Variants in GLI3 observed in about 807,000 individuals in gnomAD.
GLI3 encodes the protein transcription activator GLI3.
Under a neutral mutation model 100.8 loss-of-function variants are expected in GLI3, and 20 were observed. The ratio of observed to expected loss-of-function variants is 0.20; its 90% confidence interval spans 0.14 to 0.29. The LOEUF (loss-of-function observed/expected upper bound fraction) is 0.29, where lower values mean the gene tolerates loss of function less well. GLI3 is among the 10% of genes least tolerant of loss of function. The pLI is 1.00. For missense variants in GLI3, 2,040 were observed against 2,128.5 expected (o/e 0.96, Z 0.82); for synonymous variants, 938 against 860.5 (o/e 1.09, Z -1.58).
intron 2 of GLI3, among the ~76,000 whole-genome samples, chr7:42,205,654 C>G (rs745919899): frequency 1.3e-5 from 2 of 152,166 alleles, no homozygotes; most frequent in Non-Finnish European, 2.9e-5. Context: ...CAGTTCAAGA[C>G]AGATGAGACA....
chr7:42,242,404 C>A (rs1223619035), upstream of GLI3, among the ~76,000 whole-genome samples: 2 of 152,198 alleles, frequency 1.3e-5, no homozygotes, highest in African/African-American at 4.8e-5. Context: ...CTTACATAAA[C>A]TGCAGGTTTT....
intron 7 of GLI3, 59 bp from the exon 8 acceptor site, chr7:42,026,471 C>T (rs1179445507): frequency 8.1e-7 from 1 of 1,236,700 alleles, no homozygotes; most frequent in East Asian, 2.4e-5. Context: ...CAGACAAGTA[C>T]ACAAGATCTG....
intron 7 of GLI3, among the ~76,000 whole-genome samples, chr7:42,030,463 C>T (rs1439429664): frequency 6.6e-6 from 1 of 152,144 alleles, no homozygotes; most frequent in Non-Finnish European, 1.5e-5. Context: ...CTGAAAACTA[C>T]AATTTGACAA....
intron 2 of GLI3, among the ~76,000 whole-genome samples, chr7:42,219,027 CTT>C (rs1788431905): frequency 6.6e-6 from 1 of 152,142 alleles, no homozygotes; most frequent in African/African-American, 2.4e-5. Flanking sequence ...GAAAAAAACT[CTT>C]ATTATTTAGA....
chr7:42,252,302 G>A (rs1287036842), intron 1 of GLI3, among the ~76,000 whole-genome samples: 1 of 152,118 alleles, frequency 6.6e-6, no homozygotes, highest in Non-Finnish European at 1.5e-5. Context: ...GAGAACCAAT[G>A]AACACATAGA....
Position 41,964,840 on chromosome 7 carries a change from G to A in GLI3, c.4233C>T (p.Asp1411=). Residue 1411 remains aspartate (D), a synonymous_variant, in exon 15 of 15, where the codon GAC becomes GAT. Transcript: ENST00000395925. ...SLALQSGQLS[D]TSQTCRVNGI... ...CATTCACCCTGCAGGTCTGACTTGT[G>A]TCACTGAGCTGTCCTGACTGCAGAG... The A allele has an allele frequency of 6.2e-7, 1 of 1,613,946 alleles. No homozygotes were observed. The highest frequency in any genetic ancestry group is 8.5e-7 in the Non-Finnish European group (1 of 1,180,016).
intron 5 of GLI3, among the ~76,000 whole-genome samples, chr7:42,047,027 A>G (rs846269): frequency 0.64 from 96,749 of 151,848 alleles, 32,603 homozygotes; most frequent in African/African-American, 0.87. Context: ...GTGGTGGTGC[A>G]CACCAGTGGT....
chr7:42,022,506 A>C (rs933374643), intron 10 of GLI3, among the ~76,000 whole-genome samples: 1 of 152,216 alleles, frequency 6.6e-6, no homozygotes, highest in Non-Finnish European at 1.5e-5. Context: ...AAAAAGAGAG[A>C]GAGCAGGAGG....
intron 2 of GLI3, among the ~76,000 whole-genome samples, chr7:42,182,371 C>T (rs1787610153): frequency 6.6e-6 from 1 of 151,664 alleles, no homozygotes; most frequent in East Asian, 1.9e-4. Context: ...ACTACTTTTC[C>T]TTTCTTCTTT....
intron 10 of GLI3, among the ~76,000 whole-genome samples, chr7:42,004,723 C>A (rs1788401235): frequency 6.6e-6 from 1 of 152,178 alleles, no homozygotes; most frequent in Non-Finnish European, 1.5e-5. Context: ...GCGATGCACC[C>A]ACCTGGGTCT....
chr7:42,124,526 C>G (rs1369138447), intron 3 of GLI3, among the ~76,000 whole-genome samples: 1 of 152,170 alleles, frequency 6.6e-6, no homozygotes, highest in East Asian at 1.9e-4. Flanking sequence ...TACCCTGAAC[C>G]ACTGACCAAG....
In GLI3 at chr7:41,977,594, A is replaced by G; in HGVS notation, c.1776T>C (p.Asp592=). ...GCNKAFSNAS[D]RAKHQNRTHS... The stretch of plus-strand genomic sequence containing the variant: ...GCGTTCTGTTTTGGTGTTTGGCGCG[A>G]TCAGAGGCATTTGAGAAAGCCTTGT... The change falls in exon 12 of 15, where the codon GAT becomes GAC. Residue 592 remains aspartate, a synonymous_variant. Coordinates refer to ENST00000395925, the MANE Select transcript of GLI3 (RefSeq NM_000168.6). 6.2e-7 allele frequency: 1 copy of G among 1,614,214 alleles called. No homozygotes were observed. Among genetic ancestry groups the G allele is most frequent in the African/African-American group, 1.3e-5 (1 of 75,058 alleles).
intron 1 of GLI3, among the ~76,000 whole-genome samples, chr7:42,229,186 CATTT>C (rs1788644242): frequency 6.6e-6 from 1 of 152,220 alleles, no homozygotes; most frequent in East Asian, 1.9e-4. Flanking sequence ...CAGACTACTT[CATTT>C]ATTTCCCTAA....
chr7:41,963,474 T>A lies in GLI3; in HGVS notation c.*856A>T, dbSNP rs1158242061. On this transcript the variant is annotated 3_prime_UTR_variant, in exon 15 of 15. Transcript: ENST00000395925. ...AACTTCTTACCAGAACAGATAAAAG[T>A]AGCAATGTGGCTGAGTGTCACCAAC... 1 of 152,206 alleles carries A rather than the reference T, an allele frequency of 6.6e-6. No individual in the cohort carries two copies. The highest frequency in any genetic ancestry group is 2.4e-5 in the African/African-American group (1 of 41,450). 9.4% of individuals were successfully genotyped at this position (152,206 alleles called of 1,614,324 possible).
At chr7:42,032,069 C>T (rs1789311239) in intron 7 of GLI3, among the ~76,000 whole-genome samples, 1 of 152,088 alleles carries the variant, frequency 6.6e-6, no homozygotes, top group African/African-American at 2.4e-5. Flanking sequence ...TGGAAGTCTC[C>T]CTTCTGGGAA....
chr7:41,998,039 T>C (rs1198874535), intron 10 of GLI3, among the ~76,000 whole-genome samples: 1 of 152,172 alleles, frequency 6.6e-6, no homozygotes, highest in Non-Finnish European at 1.5e-5. Flanking sequence ...TTTAATTTAT[T>C]TTTTGCAAAG....
At chr7:42,252,083 G>A (rs1223782645) in intron 1 of GLI3, among the ~76,000 whole-genome samples, 7 of 152,116 alleles carry the variant, frequency 4.6e-5, no homozygotes, top group African/African-American at 1.7e-4. Flanking sequence ...GCAAAGATAT[G>A]GAATCAATCT....
chr7:42,092,899 C>T (rs1292789900), intron 3 of GLI3, among the ~76,000 whole-genome samples: 1 of 151,768 alleles, frequency 6.6e-6, no homozygotes, highest in Non-Finnish European at 1.5e-5. Flanking sequence ...CTGCAACCTC[C>T]GTCTCTGGAG....
chr7:42,092,690 G>A (rs1032244542), intron 3 of GLI3, among the ~76,000 whole-genome samples: 1 of 152,182 alleles, frequency 6.6e-6, no homozygotes, highest in African/African-American at 2.4e-5. Flanking sequence ...CAGGAGGAAC[G>A]CACCAGAGTC....
Sources: gnomAD v4.1 joint callset for allele counts (sites outside exome capture counted in the v4.1 genomes callset) on GRCh38, gnomAD v4.1.1 for gene constraint, MANE v1.5 for transcripts, NCBI Gene and HGNC (gene_info 2026-07-23, HGNC 2026-07-21) for gene names.